MAP2: variants seen among roughly 807,000 people sequenced by gnomAD.
MAP2 encodes the protein microtubule associated protein 2.
MAP2 carries 14 observed loss-of-function variants against 137.6 expected under a neutral mutation model. The ratio of observed to expected loss-of-function variants is 0.10; its 90% confidence interval spans 0.07 to 0.16. The LOEUF is 0.16. Among genes scored for constraint, MAP2 ranks in the 10% least tolerant of loss-of-function variants. MAP2 has a pLI of 1.00. For synonymous variants in MAP2, 786 were observed against 782.3 expected, an observed-to-expected ratio of 1.00 and a Z score of -0.08; for missense variants, 2,088 against 2,191.5, an observed-to-expected ratio of 0.95 and a Z score of 0.94.
chr2:209,643,487 C>T (rs759101850), intron 4 of MAP2, among the ~76,000 whole-genome samples: 18 of 152,120 alleles, frequency 1.2e-4, no homozygotes, highest in Non-Finnish European at 2.1e-4. Context: ...AGTTATCTAC[C>T]ACACATTTGC....
Position 209,693,086 on chromosome 2 carries a change from G to T in MAP2, c.916G>T (p.Gly306Trp). Residue 306 changes from glycine to tryptophan, a missense_variant, in exon 8 of 16, where the codon GGG becomes TGG. Transcript: ENST00000682079. Reference protein sequence around the residue: ...DVFDDIPKWEGKQFDSPMPSP... With the variant: ...DVFDDIPKWEWKQFDSPMPSP... ...ATTTGATGATATCCCAAAATGGGAA[G>T]GGAAACAGTTTGATTCTCCCATGCC... 6.2e-7 allele frequency: 1 copy of T among 1,613,428 alleles called. No individual in the cohort carries two copies. Among genetic ancestry groups the T allele is most frequent in the Non-Finnish European group, 8.5e-7 (1 of 1,179,800 alleles).
In MAP2 at chr2:209,429,001, C is replaced by T. The variant is rs932621752; in HGVS notation, c.-222+4725C>T. Among the ~76,000 whole-genome samples the T allele has an allele frequency of 3.0e-4, 45 of 151,784 alleles. 1 individual carries two copies. Among genetic ancestry groups the T allele is most frequent in the Admixed American group, 8.5e-4 (13 of 15,208 alleles). ...CGGAGTCTCGCTCTTTCGCCCAGGCCGGAGTACAGTGGCGCCATCTCGGCT... is the reference window on the plus strand; with the variant it reads ...CGGAGTCTCGCTCTTTCGCCCAGGCTGGAGTACAGTGGCGCCATCTCGGCT... On this transcript the variant is annotated intron_variant, in intron 1 of 15. Coordinates refer to ENST00000682079, the MANE Select transcript of MAP2 (RefSeq NM_001375505.1).
chr2:209,540,458 C>T (rs891556115), intron 2 of MAP2, among the ~76,000 whole-genome samples: 5 of 150,676 alleles, frequency 3.3e-5, no homozygotes, highest in African/African-American at 1.2e-4. Flanking sequence ...ATGGTGAAAC[C>T]CCGTCTCTAC....
intron 1 of MAP2, among the ~76,000 whole-genome samples, chr2:209,451,596 G>A (rs925374817): frequency 3.3e-5 from 5 of 152,190 alleles, no homozygotes; most frequent in African/African-American, 1.2e-4. Flanking sequence ...CTTGGTTTCC[G>A]TAACCTTATC....
At chr2:209,609,934 T>G (rs2086235324) in intron 3 of MAP2, among the ~76,000 whole-genome samples, 1 of 152,164 alleles carries the variant, frequency 6.6e-6, no homozygotes. Flanking sequence ...TTCATATGCG[T>G]AATACATACT....
At chr2:209,649,455 A>G (rs2094633820) in intron 4 of MAP2, among the ~76,000 whole-genome samples, 1 of 152,176 alleles carries the variant, frequency 6.6e-6, no homozygotes, top group African/African-American at 2.4e-5. Flanking sequence ...AACAGAGATA[A>G]TCTATGACCC....
Position 209,558,653 on chromosome 2 carries a change from A to G in MAP2, c.-171-21383A>G, listed in dbSNP as rs288086. ...TTATCTAGTATGTAACCTGTATTCAAATTCCTTCATTTGTCCCCAAAATGT... is the reference window on the plus strand; with the variant it reads ...TTATCTAGTATGTAACCTGTATTCAGATTCCTTCATTTGTCCCCAAAATGT... On this transcript the variant is annotated intron_variant, in intron 2 of 15. Transcript: ENST00000682079. Among the ~76,000 whole-genome samples the G allele has an allele frequency of 8.4e-3, 1,264 of 150,826 alleles. 19 individuals are homozygous for G. Among genetic ancestry groups the G allele is most frequent in the African/African-American group, 0.029 (1,184 of 40,888 alleles).
At chr2:209,505,119 C>CA (rs1045401436) in intron 1 of MAP2, among the ~76,000 whole-genome samples, 20 of 151,950 alleles carry the variant, frequency 1.3e-4, no homozygotes, top group Admixed American at 1.1e-3. Context: ...TGGAGCAAAA[C>CA]AAAAAATAAA....
chr2:209,457,786 G>C (rs969454627), intron 1 of MAP2, among the ~76,000 whole-genome samples: 5 of 152,272 alleles, frequency 3.3e-5, no homozygotes, highest in African/African-American at 1.2e-4. Flanking sequence ...TATAGCCCAG[G>C]TTGTGTCCTA....
intron 3 of MAP2, among the ~76,000 whole-genome samples, chr2:209,622,380 G>A (rs1035840836): frequency 2.6e-5 from 4 of 152,188 alleles, no homozygotes; most frequent in African/African-American, 7.2e-5. Flanking sequence ...GAGTTGGTAT[G>A]TAGCTAAAAG....
intron 1 of MAP2, among the ~76,000 whole-genome samples, chr2:209,457,078 T>C (rs927136591): frequency 2.0e-5 from 3 of 152,196 alleles, no homozygotes; most frequent in African/African-American, 7.2e-5. Context: ...ACAGTTAATA[T>C]TTAGTTAGTG....
intron 1 of MAP2, among the ~76,000 whole-genome samples, chr2:209,506,224 C>T (rs1050793832): frequency 4.6e-5 from 7 of 152,070 alleles, no homozygotes; most frequent in East Asian, 1.9e-4. Flanking sequence ...CCTATCATTT[C>T]GTTATTGTAG....
At chr2:209,604,950 G>C (rs1177445166) in intron 3 of MAP2, among the ~76,000 whole-genome samples, 1 of 152,042 alleles carries the variant, frequency 6.6e-6, no homozygotes, top group Non-Finnish European at 1.5e-5. Context: ...AAAGCCTGAT[G>C]GTTATGGTAT....
intron 13 of MAP2, among the ~76,000 whole-genome samples, chr2:209,715,697 C>G (rs778557210): frequency 2.6e-5 from 4 of 152,110 alleles, no homozygotes; most frequent in African/African-American, 4.8e-5. Context: ...ATTTGGATAA[C>G]TAGGTAATGA....
In MAP2 at chr2:209,695,250, AG is replaced by A; in HGVS notation, c.3082del (p.Val1028Ter). On this transcript the variant is annotated frameshift_variant, in exon 8 of 16. Transcript: ENST00000682079. LOFTEE classifies it high-confidence loss of function. ...KGLSSVPEIA[E>X]VEPSKKVEQG... ...CTTAGTTCAGTGCCAGAGATAGCTG[AG>A]GTAGAACCATCCAAAAAGGTGGAAC... 1 of 1,613,908 alleles carries A rather than the reference AG, an allele frequency of 6.2e-7. No homozygotes were observed. The highest frequency in any genetic ancestry group is 8.5e-7 in the Non-Finnish European group (1 of 1,179,946).
intron 3 of MAP2, among the ~76,000 whole-genome samples, chr2:209,616,398 C>A (rs947204236): frequency 3.4e-5 from 5 of 147,350 alleles, no homozygotes; most frequent in African/African-American, 1.3e-4. Context: ...GTTCTTTTTA[C>A]TTCAAAGACC....
Position 209,695,417 on chromosome 2 carries a change from A to G in MAP2, c.3247A>G (p.Lys1083Glu). Residue 1083 changes from lysine (K) to glutamate (E), a missense_variant, in exon 8 of 16, where the codon AAA becomes GAA. Around this residue, in one of 6 missense-constraint regions of MAP2, gnomAD observed 500 missense variants for 482.9 expected, o/e 1.04. Coordinates refer to ENST00000682079, the MANE Select transcript of MAP2 (RefSeq NM_001375505.1). ...EATQDMTPSSKAPQEADAFMG... is the reference protein window; with the variant it reads ...EATQDMTPSSEAPQEADAFMG... ...TACACAGGACATGACCCCCTCATCC[A>G]AAGCACCGCAGGAGGCAGATGCATT... 2 of 1,613,260 alleles carry G rather than the reference A, an allele frequency of 1.2e-6. No individual in the cohort carries two copies. Among genetic ancestry groups the G allele is most frequent in the East Asian group, 2.2e-5 (1 of 44,874 alleles).
intron 4 of MAP2, among the ~76,000 whole-genome samples, chr2:209,643,959 G>A (rs2094220013): frequency 6.6e-6 from 1 of 152,172 alleles, no homozygotes. Flanking sequence ...TGTTCCATGT[G>A]TGTATTTTTA....
chr2:209,628,580 T>G (rs143526100), intron 4 of MAP2, among the ~76,000 whole-genome samples: 1 of 152,326 alleles, frequency 6.6e-6, no homozygotes, highest in Non-Finnish European at 1.5e-5. Context: ...TACAGTCTAT[T>G]GTTCACATGG....
Sources: allele counts gnomAD v4.1 joint callset (sites outside exome capture counted in the v4.1 genomes callset), GRCh38; gene constraint gnomAD v4.1.1; regional missense constraint gnomAD v4.1.1; transcripts MANE v1.5; gene names NCBI Gene and HGNC (gene_info 2026-07-23, HGNC 2026-07-21).